The following SYNPR variants were observed in gnomAD, a reference collection of about 807,000 sequenced individuals.
The protein encoded by SYNPR is synaptoporin.
SYNPR carries 23 observed loss-of-function variants against 32.9 expected under a neutral mutation model. The observed-to-expected ratio is 0.70, with a 90% CI of 0.50 to 0.99. SYNPR has a LOEUF of 0.99. SYNPR is among the 50% of genes least tolerant of loss of function. The pLI is 0.00. For synonymous variants in SYNPR, 146 were observed against 135.9 expected, an observed-to-expected ratio of 1.07 and a Z score of -0.52; for missense variants, 318 against 349.3, an observed-to-expected ratio of 0.91 and a Z score of 0.71.
chr3:63,479,852 T>C (rs1456773115), intron 2 of SYNPR, among the ~76,000 whole-genome samples: 1 of 152,226 alleles, frequency 6.6e-6, no homozygotes, highest in African/African-American at 2.4e-5. Context: ...AGTTGACTTC[T>C]GTGCAATAAC....
intron 2 of SYNPR, among the ~76,000 whole-genome samples, chr3:63,448,494 T>C (rs1700320410): frequency 6.6e-6 from 1 of 152,218 alleles, no homozygotes; most frequent in African/African-American, 2.4e-5. Context: ...TTCTCAATGT[T>C]GAACCCACAC....
chr3:63,222,011 A>ATTTTTTTTTTATT, the SYNPR span, among the ~76,000 whole-genome samples: 1 of 56,406 alleles, frequency 1.8e-5, no homozygotes, highest in Non-Finnish European at 3.5e-5. Context: ...GCCATGCTCA[A>ATTTTTTTTTTATT]TTTTTTTTTT....
chr3:63,535,239 G>T (rs912440291), intron 3 of SYNPR, among the ~76,000 whole-genome samples: 1 of 151,986 alleles, frequency 6.6e-6, no homozygotes, highest in Non-Finnish European at 1.5e-5. Flanking sequence ...TCCTTACAAA[G>T]AACAATTCCT....
intron 2 of SYNPR, among the ~76,000 whole-genome samples, chr3:63,300,332 T>C (rs1205807629): frequency 7.6e-5 from 1 of 13,164 alleles, no homozygotes; most frequent in African/African-American, 1.3e-4. Flanking sequence ...ATTCTTTGCT[T>C]CTATCTATCT....
chr3:63,558,279 A>G (rs1292119362), intron 4 of SYNPR, among the ~76,000 whole-genome samples: 1 of 152,242 alleles, frequency 6.6e-6, no homozygotes, highest in Non-Finnish European at 1.5e-5. Context: ...TTATAGCCAT[A>G]CAAAATGGAC....
chr3:63,362,462 C>G (rs2087674434), intron 2 of SYNPR, among the ~76,000 whole-genome samples: 1 of 152,042 alleles, frequency 6.6e-6, no homozygotes, highest in South Asian at 2.1e-4. Context: ...AATAATCTCT[C>G]TATTCTAGCT....
At chr3:63,399,129 T>A (rs925806755) in intron 2 of SYNPR, among the ~76,000 whole-genome samples, 3 of 152,186 alleles carry the variant, frequency 2.0e-5, no homozygotes, top group African/African-American at 7.2e-5. Context: ...ATGGCTAGAA[T>A]GAAGGAGATG....
At chr3:63,587,881 G>C (rs1187502623) in intron 4 of SYNPR, among the ~76,000 whole-genome samples, 1 of 151,968 alleles carries the variant, frequency 6.6e-6, no homozygotes. Context: ...GAGTAGCTGG[G>C]ACTACAGACG....
At chr3:63,209,123 C>G in the SYNPR span, among the ~76,000 whole-genome samples, 2 of 152,002 alleles carry the variant, frequency 1.3e-5, no homozygotes, top group African/African-American at 2.4e-5. Flanking sequence ...TTTAAACCAT[C>G]CTGGCTAACA....
At chr3:63,612,934 TCTC>T (rs1455337375) in intron 5 of SYNPR, among the ~76,000 whole-genome samples, 2 of 140,432 alleles carry the variant, frequency 1.4e-5, no homozygotes, top group Admixed American at 7.3e-5. Context: ...TCTCCTCTCT[TCTC>T]CTCTCCTTTT....
chr3:63,467,204 A>G lies in SYNPR; in HGVS notation c.85-13628A>G, dbSNP rs531277312. 1.9e-4 allele frequency among the ~76,000 whole-genome samples: 29 copies of G among 152,098 alleles called. No individual in the cohort carries two copies. The East Asian group carries it at 5.4e-3, about 29-fold the overall frequency. On this transcript the variant is annotated intron_variant, in intron 2 of 5. Coordinates refer to ENST00000478300, the MANE Select transcript of SYNPR (RefSeq NM_001130003.2). Reference sequence around the variant, plus strand: ...TTACTTTATTTTATTTAATTTATTTATTTTGTAGAGATGGGGGTCTCACTA... The same window carrying G: ...TTACTTTATTTTATTTAATTTATTTGTTTTGTAGAGATGGGGGTCTCACTA...
chr3:63,559,125 T>C (rs1292126745), intron 4 of SYNPR, among the ~76,000 whole-genome samples: 2 of 150,566 alleles, frequency 1.3e-5, no homozygotes, highest in Admixed American at 6.7e-5. Flanking sequence ...TGCTGTGTAG[T>C]GGAGCGATCT....
At chr3:63,579,073 A>G (rs1703043803) in intron 4 of SYNPR, among the ~76,000 whole-genome samples, 1 of 152,080 alleles carries the variant, frequency 6.6e-6, no homozygotes, top group South Asian at 2.1e-4. Context: ...CTCTCGTTTA[A>G]AGTTCAACTG....
intron 2 of SYNPR, among the ~76,000 whole-genome samples, chr3:63,403,858 A>T (rs528357605): frequency 1.1e-4 from 17 of 152,250 alleles, no homozygotes; most frequent in Non-Finnish European, 1.8e-4. Context: ...CTCATCAAAA[A>T]ACTGTGCACT....
At chr3:63,209,116 A>C in the SYNPR span, among the ~76,000 whole-genome samples, 1 of 152,132 alleles carries the variant, frequency 6.6e-6, no homozygotes, top group South Asian at 2.1e-4. Context: ...TTTATGTTTT[A>C]AACCATCCTG....
chr3:63,502,071 G>A (rs561382379), intron 3 of SYNPR, among the ~76,000 whole-genome samples: 6 of 152,024 alleles, frequency 3.9e-5, no homozygotes, highest in East Asian at 1.9e-4. Context: ...TGATATTTTC[G>A]ATATATTGGT....
intron 2 of SYNPR, among the ~76,000 whole-genome samples, chr3:63,449,502 T>C (rs1365560329): frequency 6.6e-6 from 1 of 152,158 alleles, no homozygotes; most frequent in Non-Finnish European, 1.5e-5. Flanking sequence ...TATGTGTCAG[T>C]AGCAATCTCC....
chr3:63,279,989 C>T (rs1337767359), intron 2 of SYNPR, among the ~76,000 whole-genome samples: 1 of 152,212 alleles, frequency 6.6e-6, no homozygotes, highest in Non-Finnish European at 1.5e-5. Context: ...TGGAAACTTT[C>T]AGTTTGCTTT....
At chr3:63,443,650 G>C (rs1700221118) in intron 2 of SYNPR, among the ~76,000 whole-genome samples, 1 of 152,162 alleles carries the variant, frequency 6.6e-6, no homozygotes, top group Non-Finnish European at 1.5e-5. Context: ...TTAAACCAAA[G>C]AGGCTGTGTT....
Sources: allele counts gnomAD v4.1 joint callset (sites outside exome capture counted in the v4.1 genomes callset), GRCh38; gene constraint gnomAD v4.1.1; transcripts MANE v1.5; gene names NCBI Gene and HGNC (gene_info 2026-07-23, HGNC 2026-07-21).